The following INTS15 variants were observed in gnomAD, a reference collection of about 807,000 sequenced individuals.
INTS15 encodes the protein uncharacterized protein C7orf26.
At chr7:6,593,873 A>T in the INTS15 span, among the ~76,000 whole-genome samples, 5 of 149,168 alleles carry the variant, frequency 3.4e-5, no homozygotes, top group African/African-American at 1.2e-4. Context: ...CTCATCTGGA[A>T]CTGCTGGGCT....
the INTS15 span, chr7:6,594,427 C>T: frequency 2.5e-6 from 4 of 1,613,880 alleles, no homozygotes; most frequent in Non-Finnish European, 2.5e-6. Context: ...TGTGTGGCTT[C>T]TTTCCAGCGG....
the INTS15 span, among the ~76,000 whole-genome samples, chr7:6,592,602 T>G: frequency 6.6e-6 from 1 of 151,958 alleles, no homozygotes; most frequent in African/African-American, 2.4e-5. Flanking sequence ...AGGGTGTGTT[T>G]TTTTTTCTTT....
At chr7:6,590,436 C>T in the INTS15 span, 1 of 1,600,534 alleles carries the variant, frequency 6.2e-7, no homozygotes, top group Non-Finnish European at 8.5e-7. Context: ...TGGAGGAGTT[C>T]GTGTTCCAGG....
At chr7:6,606,514 G>C in the INTS15 span, among the ~76,000 whole-genome samples, 12,337 of 152,200 alleles carry the variant, frequency 0.081, 730 homozygotes, top group Middle Eastern at 0.14. Flanking sequence ...CTTGGTGTTA[G>C]GAGAGACCAG....
At chr7:6,591,454 TG>T in the INTS15 span, among the ~76,000 whole-genome samples, 20 of 151,804 alleles carry the variant, frequency 1.3e-4, no homozygotes, top group Admixed American at 1.3e-3. Flanking sequence ...TTAGTAGAGA[TG>T]GGGTTTCACC....
chr7:6,591,816 G>C, the INTS15 span: 1 of 1,614,058 alleles, frequency 6.2e-7, no homozygotes, highest in Non-Finnish European at 8.5e-7. Flanking sequence ...TCTCCATGGC[G>C]GTGGCTGTGT....
chr7:6,605,959 A>G, the INTS15 span, among the ~76,000 whole-genome samples: 8 of 152,062 alleles, frequency 5.3e-5, no homozygotes, highest in East Asian at 9.7e-4. Flanking sequence ...TCGGCATCCA[A>G]AAGTGCTGGG....
the INTS15 span, chr7:6,608,381 G>A: frequency 4.3e-6 from 6 of 1,405,662 alleles, no homozygotes; most frequent in South Asian, 1.5e-5. Context: ...TCTGCCGAGA[G>A]CCTGCTGCGT....
the INTS15 span, among the ~76,000 whole-genome samples, chr7:6,590,952 C>T: frequency 0.01 from 1,592 of 151,916 alleles, 29 homozygotes; most frequent in African/African-American, 0.036. Context: ...AATCCTCCCG[C>T]CTCATCCTTC....
chr7:6,590,412 C>T, the INTS15 span: 2 of 1,604,772 alleles, frequency 1.2e-6, no homozygotes, highest in Non-Finnish European at 1.7e-6. Context: ...TGGACAAGGG[C>T]CCCGTGGAGC....
chr7:6,591,180 C>T, the INTS15 span, among the ~76,000 whole-genome samples: 2 of 152,090 alleles, frequency 1.3e-5, no homozygotes, highest in Admixed American at 1.3e-4. Context: ...CTCCCTGAGA[C>T]CTGAGCTTTA....
chr7:6,594,001 C>CTG, the INTS15 span, among the ~76,000 whole-genome samples: 3 of 68,938 alleles, frequency 4.4e-5, no homozygotes, highest in Non-Finnish European at 7.4e-5. Flanking sequence ...AAGCCTTTAA[C>CTG]TTTTTTTTTT....
the INTS15 span, among the ~76,000 whole-genome samples, chr7:6,606,447 T>G: frequency 6.6e-6 from 1 of 152,062 alleles, no homozygotes; most frequent in South Asian, 2.1e-4. Context: ...TAGGATAATA[T>G]GCAGGGACGG....
chr7:6,597,153 CCA>C, the INTS15 span, among the ~76,000 whole-genome samples: 1 of 152,176 alleles, frequency 6.6e-6, no homozygotes, highest in Non-Finnish European at 1.5e-5. Context: ...GGGAGCAGGG[CCA>C]CGCTGCTGCA....
the INTS15 span, chr7:6,602,400 T>C: frequency 4.1e-6 from 2 of 493,700 alleles, no homozygotes; most frequent in Non-Finnish European, 7.3e-6. Flanking sequence ...ACCTGTTGAG[T>C]GGTGGGTGTG....
the INTS15 span, among the ~76,000 whole-genome samples, chr7:6,598,245 G>A: frequency 6.6e-6 from 1 of 152,084 alleles, no homozygotes; most frequent in East Asian, 1.9e-4. Context: ...CGAGGTGGGC[G>A]GATCACCTGC....
the INTS15 span, chr7:6,594,502 C>G: frequency 6.2e-7 from 1 of 1,614,088 alleles, no homozygotes; most frequent in Non-Finnish European, 8.5e-7. Flanking sequence ...TGTTTGGTGC[C>G]GGGATCCATT....
the INTS15 span, chr7:6,600,262 C>A: frequency 6.2e-7 from 1 of 1,614,200 alleles, no homozygotes; most frequent in Non-Finnish European, 8.5e-7. Flanking sequence ...AACTGAACCC[C>A]CTCAACGCCT....
chr7:6,600,201 T>A, the INTS15 span: 1 of 1,614,154 alleles, frequency 6.2e-7, no homozygotes, highest in Admixed American at 1.7e-5. Context: ...GGGCTGATCC[T>A]CTTCGACCAC....
Sources: allele counts gnomAD v4.1 joint callset (sites outside exome capture counted in the v4.1 genomes callset), GRCh38; gene constraint gnomAD v4.1.1; transcripts MANE v1.5; gene names NCBI Gene and HGNC (gene_info 2026-07-23, HGNC 2026-07-21).